Variants in RAB7A observed in about 807,000 individuals in gnomAD.
The protein encoded by RAB7A is RAB7A, member RAS oncogene family.
Under a neutral mutation model 24.5 loss-of-function variants are expected in RAB7A, and 2 were observed. That is an observed-to-expected ratio of 0.08 (90% CI 0.03 to 0.26). The LOEUF (loss-of-function observed/expected upper bound fraction) is 0.26, where lower values mean the gene tolerates loss of function less well. RAB7A is among the 10% of genes least tolerant of loss of function. The pLI is 1.00. For missense variants in RAB7A, 118 were observed against 255.7 expected, an observed-to-expected ratio of 0.46 and a Z score of 3.67; for synonymous variants, 100 against 95.9, an observed-to-expected ratio of 1.04 and a Z score of -0.25.
chr3:128,792,040 G>A (rs540350606), intron 1 of RAB7A, among the ~76,000 whole-genome samples: 150 of 152,314 alleles, frequency 9.8e-4, no homozygotes, highest in Non-Finnish European at 1.8e-3. Flanking sequence ...ATAGATTACA[G>A]CATTTTTTCC....
At chr3:128,750,096 C>G (rs1201800189) in intron 1 of RAB7A, among the ~76,000 whole-genome samples, 1 of 152,148 alleles carries the variant, frequency 6.6e-6, no homozygotes, top group Non-Finnish European at 1.5e-5. Flanking sequence ...CAATAAGGCC[C>G]AGGCTGAGGT....
At chr3:128,739,129 C>T (rs1439638157) in intron 1 of RAB7A, among the ~76,000 whole-genome samples, 2 of 152,282 alleles carry the variant, frequency 1.3e-5, no homozygotes, top group Admixed American at 6.5e-5. Flanking sequence ...TTTGCCCATT[C>T]GTTTCTGAGA....
intron 1 of RAB7A, among the ~76,000 whole-genome samples, chr3:128,788,127 C>T (rs1456444035): frequency 6.6e-6 from 1 of 152,174 alleles, no homozygotes; most frequent in African/African-American, 2.4e-5. Flanking sequence ...GCTACCTGCC[C>T]GTTAGTCACT....
intron 1 of RAB7A, among the ~76,000 whole-genome samples, chr3:128,728,899 G>A (rs927838541): frequency 6.6e-6 from 1 of 152,140 alleles, no homozygotes; most frequent in African/African-American, 2.4e-5. Context: ...AAAGTTTAAT[G>A]TAGCACTGAT....
chr3:128,773,425 G>T (rs1407611253), intron 1 of RAB7A, among the ~76,000 whole-genome samples: 3 of 151,004 alleles, frequency 2.0e-5, no homozygotes, highest in South Asian at 2.1e-4. Context: ...GGAGGGAGGT[G>T]GGGGGCAGCC....
At chr3:128,779,528 T>TG (rs750276113) in intron 1 of RAB7A, among the ~76,000 whole-genome samples, 3 of 142,418 alleles carry the variant, frequency 2.1e-5, no homozygotes, top group Non-Finnish European at 4.5e-5. Flanking sequence ...CATTACCTGA[T>TG]GCATGCAGCA....
intron 3 of RAB7A, among the ~76,000 whole-genome samples, chr3:128,803,197 A>G (rs1417533052): frequency 6.6e-6 from 1 of 152,216 alleles, no homozygotes; most frequent in African/African-American, 2.4e-5. Flanking sequence ...TGGAAAAAAT[A>G]CAAAGTGAAA....
At chr3:128,812,646 A>G (rs912838737) in intron 5 of RAB7A, among the ~76,000 whole-genome samples, 1 of 152,242 alleles carries the variant, frequency 6.6e-6, no homozygotes, top group African/African-American at 2.4e-5. Context: ...TACTTTAGCA[A>G]AGTGCCACTA....
At chr3:128,790,709 G>A (rs184754859) in intron 1 of RAB7A, among the ~76,000 whole-genome samples, 208 of 152,196 alleles carry the variant, frequency 1.4e-3, no homozygotes, top group African/African-American at 4.6e-3. Context: ...CTGTTTCATT[G>A]ATCGGTTTAG....
At chr3:128,805,937 A>T (rs1933793564) in intron 3 of RAB7A, among the ~76,000 whole-genome samples, 1 of 152,222 alleles carries the variant, frequency 6.6e-6, no homozygotes, top group Admixed American at 6.5e-5. Flanking sequence ...TAAAATGCAT[A>T]GATTGAACTA....
chr3:128,741,358 C>T (rs938755087), intron 1 of RAB7A, among the ~76,000 whole-genome samples: 6 of 152,066 alleles, frequency 3.9e-5, no homozygotes, highest in African/African-American at 1.4e-4. Context: ...CTTTCCCACC[C>T]CCAGGACAAT....
intron 1 of RAB7A, among the ~76,000 whole-genome samples, chr3:128,777,848 A>G (rs1933130590): frequency 6.6e-6 from 1 of 152,050 alleles, no homozygotes; most frequent in Non-Finnish European, 1.5e-5. Context: ...CATCCTCCCA[A>G]GTAGCTGGGA....
intron 1 of RAB7A, among the ~76,000 whole-genome samples, chr3:128,788,282 G>A (rs954141531): frequency 6.6e-6 from 1 of 152,160 alleles, no homozygotes; most frequent in Non-Finnish European, 1.5e-5. Context: ...GGTAAAAATT[G>A]TTGACTTAAT....
At position 128,768,072 on chromosome 3, in the gene RAB7A, C is replaced by T. The variant is rs543212195; in HGVS notation, c.-8-27288C>T. ...TCCCAGTATTTCTTCGTAATTCACCCTCCTGCCTACTGCCCTTCCTTACCC... is the reference window on the plus strand; with the variant it reads ...TCCCAGTATTTCTTCGTAATTCACCTTCCTGCCTACTGCCCTTCCTTACCC... On this transcript the variant is annotated intron_variant, in intron 1 of 5. Transcript: ENST00000265062. 1.3e-3 allele frequency among the ~76,000 whole-genome samples: 196 copies of T among 152,248 alleles called. 1 individual carries two copies. The highest frequency in any genetic ancestry group is 2.0e-3 in the Non-Finnish European group (136 of 68,006).
chr3:128,785,623 G>A (rs937789164), intron 1 of RAB7A, among the ~76,000 whole-genome samples: 2 of 151,526 alleles, frequency 1.3e-5, no homozygotes, highest in East Asian at 1.9e-4. Flanking sequence ...GTGGTGGCTC[G>A]CACCTGCAGT....
At chr3:128,742,444 C>T (rs2070564117) in intron 1 of RAB7A, among the ~76,000 whole-genome samples, 1 of 152,194 alleles carries the variant, frequency 6.6e-6, no homozygotes, top group African/African-American at 2.4e-5. Flanking sequence ...CTGATCCCAG[C>T]CACATCCTGC....
intron 1 of RAB7A, among the ~76,000 whole-genome samples, chr3:128,736,782 TG>T (rs2070493579): frequency 1.3e-5 from 2 of 152,124 alleles, no homozygotes; most frequent in African/African-American, 4.8e-5. Flanking sequence ...TTGGCCAAAA[TG>T]AGTCACACCA....
In RAB7A at chr3:128,813,607, A is replaced by G. The variant is rs1053490418; in HGVS notation, c.*185A>G. 2.4e-5 allele frequency: 15 copies of G among 625,920 alleles called. No individual in the cohort carries two copies. Among genetic ancestry groups the G allele is most frequent in the South Asian group, 1.0e-4 (6 of 60,120 alleles). The allele number at this position is 625,920 out of a possible 1,614,324, so 38.8% of individuals were successfully genotyped here. Reference sequence around the variant, plus strand: ...CTCTCACACACACACACACACGCACACACACACACACAGATCTGACGTAAT... The same window carrying G: ...CTCTCACACACACACACACACGCACGCACACACACACAGATCTGACGTAAT... On this transcript the variant is annotated 3_prime_UTR_variant, in exon 6 of 6. Coordinates refer to ENST00000265062, the MANE Select transcript of RAB7A (RefSeq NM_004637.6).
In RAB7A at chr3:128,813,323, C is replaced by A. The variant is rs1382400647; in HGVS notation, c.529-4C>A. 6.2e-7 allele frequency: 1 copy of A among 1,613,324 alleles called. No homozygotes were observed. Among genetic ancestry groups the A allele is most frequent in the Non-Finnish European group, 8.5e-7 (1 of 1,179,274 alleles). ...AACCAACCTTTCTCTGTTTCCTTGT[C>A]CAGGAAACGGAGGTGGAGCTGTACA... On this transcript the variant is annotated splice_polypyrimidine_tract_variant and splice_region_variant and intron_variant, in intron 5 of 5. Coordinates refer to ENST00000265062, the MANE Select transcript of RAB7A (RefSeq NM_004637.6).
Sources: gnomAD v4.1 joint callset for allele counts (sites outside exome capture counted in the v4.1 genomes callset) on GRCh38, gnomAD v4.1.1 for gene constraint, MANE v1.5 for transcripts, NCBI Gene and HGNC (gene_info 2026-07-23, HGNC 2026-07-21) for gene names.